Variants in CFAP97D2 observed in about 807,000 individuals in gnomAD.
CFAP97D2 encodes CFAP97 domain containing 2.
chr13:114,214,647 C>T (rs7992510), intron 4 of CFAP97D2, among the ~76,000 whole-genome samples: 8,188 of 152,112 alleles, frequency 0.054, 402 homozygotes, highest in African/African-American at 0.13. Context: ...AGTGCAGTGG[C>T]GCGATCTTGG....
chr13:114,218,324 G>T (rs2081005144), intron 4 of CFAP97D2, among the ~76,000 whole-genome samples: 2 of 152,224 alleles, frequency 1.3e-5, no homozygotes, highest in East Asian at 3.8e-4. Context: ...TACAAGGGAT[G>T]TGAAGGACCT....
intron 4 of CFAP97D2, among the ~76,000 whole-genome samples, chr13:114,221,860 C>T (rs147136569): frequency 2.8e-3 from 430 of 152,292 alleles, no homozygotes; most frequent in African/African-American, 9.5e-3. Context: ...ACTCCTAGGT[C>T]TATATTCGAG....
At chr13:114,218,086 G>A (rs2081003980) in intron 4 of CFAP97D2, among the ~76,000 whole-genome samples, 1 of 152,170 alleles carries the variant, frequency 6.6e-6, no homozygotes. Flanking sequence ...AAGTCAAATT[G>A]TCCCTGTTTG....
intron 1 of CFAP97D2, among the ~76,000 whole-genome samples, chr13:114,195,585 G>C (rs1201424249): frequency 6.6e-6 from 1 of 152,214 alleles, no homozygotes. Flanking sequence ...ATTGCAAGCA[G>C]TGATACATAC....
chr13:114,192,424 G>A (rs766905033), intron 1 of CFAP97D2, among the ~76,000 whole-genome samples: 7 of 151,832 alleles, frequency 4.6e-5, no homozygotes, highest in South Asian at 2.1e-4. Flanking sequence ...TTTTTAAATC[G>A]CAAACAAAAA....
At chr13:114,209,341 C>G (rs925804617) in intron 3 of CFAP97D2, among the ~76,000 whole-genome samples, 1 of 152,072 alleles carries the variant, frequency 6.6e-6, no homozygotes, top group African/African-American at 2.4e-5. Flanking sequence ...CACAATAACA[C>G]GAGTAGGTGG....
intron 1 of CFAP97D2, among the ~76,000 whole-genome samples, chr13:114,188,604 C>T (rs1286304937): frequency 2.6e-5 from 4 of 151,652 alleles, no homozygotes; most frequent in Non-Finnish European, 2.9e-5. Flanking sequence ...GGTGAAACCC[C>T]GTCTCCACTA....
intron 1 of CFAP97D2, among the ~76,000 whole-genome samples, chr13:114,196,043 A>G (rs1281478124): frequency 6.8e-6 from 1 of 147,260 alleles, no homozygotes; most frequent in Non-Finnish European, 1.5e-5. Flanking sequence ...AGATTGCGCC[A>G]CTATGCTCCA....
chr13:114,200,172 G>T (rs1437120220), intron 2 of CFAP97D2, among the ~76,000 whole-genome samples, 153 bp from the exon 3 acceptor site: 12 of 152,106 alleles, frequency 7.9e-5, no homozygotes. Context: ...GTGGGTCCCT[G>T]TGTGTTCGGT....
chr13:114,213,521 A>G (rs1460576874), intron 4 of CFAP97D2, among the ~76,000 whole-genome samples: 6 of 141,588 alleles, frequency 4.2e-5, no homozygotes, highest in Non-Finnish European at 7.7e-5. Context: ...AGGCCAATGA[A>G]CCCCACCCCT....
chr13:114,191,554 T>A, intron 1 of CFAP97D2, among the ~76,000 whole-genome samples: 1 of 152,104 alleles, frequency 6.6e-6, no homozygotes, highest in East Asian at 1.9e-4. Context: ...AAATGCAAAT[T>A]AAAACAATAA....
At chr13:114,183,960 C>T (rs117506410) in intron 1 of CFAP97D2, among the ~76,000 whole-genome samples, 1,768 of 152,332 alleles carry the variant, frequency 0.012, 97 homozygotes, top group Admixed American at 0.081. Flanking sequence ...CTAGCCCTGA[C>T]AACATAGCGA....
chr13:114,196,234 G>C (rs941253022), intron 1 of CFAP97D2, among the ~76,000 whole-genome samples, 162 bp from the exon 2 acceptor site: 1 of 152,098 alleles, frequency 6.6e-6, no homozygotes, highest in Admixed American at 6.6e-5. Context: ...CTTCCTCCAG[G>C]GGATACTCGG....
chr13:114,202,289 A>G (rs1175236429), intron 3 of CFAP97D2, among the ~76,000 whole-genome samples: 1 of 152,188 alleles, frequency 6.6e-6, no homozygotes, highest in East Asian at 1.9e-4. Flanking sequence ...AGAGATGAAT[A>G]CCTCTGCCCA....
At chr13:114,219,511 C>T (rs1448213662) in intron 4 of CFAP97D2, among the ~76,000 whole-genome samples, 1 of 152,106 alleles carries the variant, frequency 6.6e-6, no homozygotes, top group Non-Finnish European at 1.5e-5. Context: ...CAGATAAAGC[C>T]CACCACAAAA....
intron 2 of CFAP97D2, among the ~76,000 whole-genome samples, chr13:114,198,218 C>T (rs137910446): frequency 2.1e-4 from 32 of 152,276 alleles, no homozygotes; most frequent in African/African-American, 7.5e-4. Context: ...ATCTCCTGAC[C>T]TCGTGAAGTT....
intron 1 of CFAP97D2, among the ~76,000 whole-genome samples, chr13:114,188,115 CA>C (rs35798712): frequency 0.04 from 5,506 of 136,526 alleles, 263 homozygotes; most frequent in Admixed American, 0.1. Flanking sequence ...ACCATCTCCA[CA>C]AAAAAAAAAA....
chr13:114,180,687 G>A (rs1242863597), intron 1 of CFAP97D2, among the ~76,000 whole-genome samples: 1 of 152,238 alleles, frequency 6.6e-6, no homozygotes, highest in Non-Finnish European at 1.5e-5. Context: ...ACCGTTGTCA[G>A]TAGGGAAAGA....
chr13:114,218,267 C>T (rs200106935), intron 4 of CFAP97D2, among the ~76,000 whole-genome samples: 1 of 152,146 alleles, frequency 6.6e-6, no homozygotes, highest in Non-Finnish European at 1.5e-5. Flanking sequence ...GAGTGAACTC[C>T]CATTCACAAT....
Sources: allele counts gnomAD v4.1 joint callset (sites outside exome capture counted in the v4.1 genomes callset), GRCh38; gene constraint gnomAD v4.1.1; transcripts MANE v1.5; gene names NCBI Gene and HGNC (gene_info 2026-07-23, HGNC 2026-07-21).